ZNF470: variants seen among roughly 807,000 people sequenced by gnomAD.
ZNF470 encodes zinc finger protein 470.
Under a neutral mutation model 13.9 loss-of-function variants are expected in ZNF470, and 13 were observed. The ratio of observed to expected loss-of-function variants is 0.94; its 90% CI spans 0.61 to 1.49. The LOEUF (loss-of-function observed/expected upper bound fraction) is 1.49. Among genes scored for constraint, ZNF470 ranks in the 40% most tolerant of loss-of-function variants. ZNF470 has a pLI of 0.00. For synonymous variants in ZNF470, 293 were observed against 282.9 expected, an observed-to-expected ratio of 1.04 and a Z score of -0.36; for missense variants, 929 against 857.3, an observed-to-expected ratio of 1.08 and a Z score of -1.04.
At chr19:56,573,769 C>G (rs1394500512) in intron 3 of ZNF470, 1 of 168,932 alleles carries the variant, frequency 5.9e-6, no homozygotes. Context: ...TAGTAAGACC[C>G]TGTCTCTACA....
Position 56,578,767 on chromosome 19 carries a change from T to A in ZNF470, c.*184T>A. The stretch of plus-strand genomic sequence containing the variant: ...CTAACCTTTTAAAAATAAAAATACA[T>A]AATTTATGTTATTTTCCCATTTAAA... On this transcript the variant is annotated 3_prime_UTR_variant, in exon 6 of 6. Transcript: ENST00000330619. The A allele has an allele frequency of 8.0e-7, 1 of 1,244,478 alleles. No homozygotes were observed. Among genetic ancestry groups the A allele is most frequent in the Non-Finnish European group, 1.0e-6 (1 of 991,716 alleles). The allele number at this position is 1,244,478 out of a possible 1,614,324, so 77.1% of individuals were successfully genotyped here. A position where few individuals can be genotyped will look rare whatever the true frequency, so the allele number is the denominator to read the frequency against.
Position 56,570,376 on chromosome 19 carries a change from G to C in ZNF470, c.60+5G>C. The C allele has an allele frequency of 1.2e-6, 2 of 1,613,814 alleles. No individual in the cohort carries two copies. Among genetic ancestry groups the C allele is most frequent in the Non-Finnish European group, 1.7e-6 (2 of 1,179,734 alleles). ...CTTTGTAAAGCCATGTCCCTGGTGAGTTAGTATTCCCCCTCTCCCCACTAA... is the reference window on the plus strand; with the variant it reads ...CTTTGTAAAGCCATGTCCCTGGTGACTTAGTATTCCCCCTCTCCCCACTAA... On this transcript the variant is annotated splice_donor_5th_base_variant and intron_variant, in intron 3 of 5. Coordinates refer to ENST00000330619, the MANE Select transcript of ZNF470 (RefSeq NM_001001668.4).
Position 56,577,963 on chromosome 19 carries a change from A to C in ZNF470, c.1534A>C (p.Lys512Gln). The C allele has an allele frequency of 6.2e-7, 1 of 1,614,098 alleles. No individual in the cohort carries two copies. Among genetic ancestry groups the C allele is most frequent in the Admixed American group, 1.7e-5 (1 of 59,988 alleles). Residue 512 changes from lysine to glutamine, a missense_variant, in exon 6 of 6, where the codon AAG (lysine) becomes CAG (glutamine). Physicochemically the swap from Lys to Gln is moderately conservative, Grantham distance 53 (BLOSUM62 1). Coordinates refer to ENST00000330619, the MANE Select transcript of ZNF470 (RefSeq NM_001001668.4). ...TACTGGAGAGAAACCTTATGAATGT[A>C]AGGAATGCAGCAAAACCTTCAGCCA... ...IHTGEKPYEC[K>Q]ECSKTFSQNA...
rs562398922 is a variant in ZNF470 at position 56,579,149 on chromosome 19, C to T, written c.*566C>T. 73 of 985,410 alleles carry T rather than the reference C, an allele frequency of 7.4e-5. No individual in the cohort carries two copies. The South Asian group carries it at 1.2e-3, about 16-fold the overall frequency. 61.0% of individuals were successfully genotyped at this position (985,410 alleles called of 1,614,324 possible). Reference sequence around the variant, plus strand: ...TAGAACAAAAGCTTTTAGCTGGGTGCGGTGGCTCATGCCTGTAGTCCCAGC... The same window carrying T: ...TAGAACAAAAGCTTTTAGCTGGGTGTGGTGGCTCATGCCTGTAGTCCCAGC... On this transcript the variant is annotated 3_prime_UTR_variant, in exon 6 of 6. Transcript: ENST00000330619.
intron 3 of ZNF470, among the ~76,000 whole-genome samples, chr19:56,572,578 G>A (rs1464724185): frequency 2.0e-5 from 3 of 148,192 alleles, no homozygotes; most frequent in Non-Finnish European, 4.5e-5. Flanking sequence ...TCAGATTGGG[G>A]AAAAAGCCCC....
At position 56,578,630 on chromosome 19, in the gene ZNF470, A is replaced by G. The variant is rs374309070; in HGVS notation, c.*47A>G. ...TAGCATCCATCTGCTTTTTTCCAGC[A>G]CATGTCCCATCATCATAGTCCAAGA... On this transcript the variant is annotated 3_prime_UTR_variant, in exon 6 of 6. Coordinates refer to ENST00000330619, the MANE Select transcript of ZNF470 (RefSeq NM_001001668.4). 9.9e-5 allele frequency: 142 copies of G among 1,440,944 alleles called. No homozygotes were observed. In the African/African-American group the frequency reaches 1.8e-3, roughly 18 times the overall value. 89.3% of individuals were successfully genotyped at this position (1,440,944 alleles called of 1,614,324 possible). A position where few individuals can be genotyped will look rare whatever the true frequency, so the allele number is the denominator to read the frequency against.
chr19:56,574,389 T>C lies in ZNF470; in HGVS notation c.61-5T>C. 5 of 1,613,586 alleles carry C rather than the reference T, an allele frequency of 3.1e-6. No individual in the cohort carries two copies. The highest frequency in any genetic ancestry group is 4.2e-6 in the Non-Finnish European group (5 of 1,179,588). On this transcript the variant is annotated splice_region_variant and splice_polypyrimidine_tract_variant and intron_variant, in intron 3 of 5. Transcript: ENST00000330619. ...GTGAGCAAGATCATATTTGTGTCAT[T>C]TTAGGGTTCAGTGACTTTCACAGAT...
chr19:56,573,139 G>A (rs1447812323), intron 3 of ZNF470, among the ~76,000 whole-genome samples: 1 of 152,172 alleles, frequency 6.6e-6, no homozygotes, highest in Non-Finnish European at 1.5e-5. Flanking sequence ...TAAGATGTAA[G>A]AATTATGATT....
chr19:56,577,526 G>A lies in ZNF470; in HGVS notation c.1097G>A (p.Arg366Lys). 1.2e-6 allele frequency: 2 copies of A among 1,613,912 alleles called. No individual in the cohort carries two copies. The highest frequency in any genetic ancestry group is 1.7e-6 in the Non-Finnish European group (2 of 1,179,972). ...CATCGAAGGATTCACACTGGGAAAA[G>A]ACCTTATGAATGTATTGACTGTGGG... ...AHHRRIHTGK[R>K]PYECIDCGKA... is the part of the protein sequence containing the mutation. Residue 366 changes from arginine to lysine, a missense_variant, in exon 6 of 6, where the codon AGA (arginine) becomes AAA (lysine). Transcript: ENST00000330619.
In ZNF470 at chr19:56,578,632, A is replaced by G. The variant is rs376333493; in HGVS notation, c.*49A>G. On this transcript the variant is annotated 3_prime_UTR_variant, in exon 6 of 6. Coordinates refer to ENST00000330619, the MANE Select transcript of ZNF470 (RefSeq NM_001001668.4). ...GCATCCATCTGCTTTTTTCCAGCACATGTCCCATCATCATAGTCCAAGACG... is the reference window on the plus strand; with the variant it reads ...GCATCCATCTGCTTTTTTCCAGCACGTGTCCCATCATCATAGTCCAAGACG... 2.9e-5 allele frequency: 42 copies of G among 1,435,142 alleles called. No homozygotes were observed. The African/African-American group carries it at 5.2e-4, about 18-fold the overall frequency. The allele number at this position is 1,435,142 out of a possible 1,614,324, so 88.9% of individuals were successfully genotyped here.
In ZNF470 at chr19:56,581,121, G is replaced by T; in HGVS notation, c.*2538G>T. 1.1e-6 allele frequency: 1 copy of T among 939,144 alleles called. No homozygotes were observed. The highest frequency in any genetic ancestry group is 1.8e-5 in the African/African-American group (1 of 56,260). The allele number at this position is 939,144 out of a possible 1,614,324, so 58.2% of individuals were successfully genotyped here. A position where few individuals can be genotyped will look rare whatever the true frequency, so the allele number is the denominator to read the frequency against. On this transcript the variant is annotated 3_prime_UTR_variant, in exon 6 of 6. Transcript: ENST00000330619. ...AGACTGACACAAAGTGTTTGCAACA[G>T]ATATAATAAAGGACTGTAATTCGTG... is the stretch of plus-strand genomic sequence containing the variant.
rs765380354 is a variant in ZNF470 at position 56,578,420 on chromosome 19, T to TTAC, written c.1993_1995dup (p.Thr665dup). The TTAC allele has an allele frequency of 6.2e-7, 1 of 1,611,194 alleles. No individual in the cohort carries two copies. Among genetic ancestry groups the TTAC allele is most frequent in the East Asian group, 2.2e-5 (1 of 44,856 alleles). ...AAAGCCTTCAGCCAGGTTGCCCATCTTACTCTACATAAGAGAATTCATACT... is the reference window on the plus strand; with the variant it reads ...AAAGCCTTCAGCCAGGTTGCCCATCTTACTACTCTACATAAGAGAATTCATACT... On this transcript the variant is annotated inframe_insertion, in exon 6 of 6. Transcript: ENST00000330619.
chr19:56,570,500 T>A (rs1318557101), intron 3 of ZNF470, 129 bp downstream of exon 3: 1 of 858,086 alleles, frequency 1.2e-6, no homozygotes, highest in African/African-American at 1.7e-5. Flanking sequence ...TTCTTCCCTT[T>A]CTGATATGTG....
At chr19:56,568,134 C>T in intron 1 of ZNF470, 96 bp downstream of exon 1, 1 of 984,660 alleles carries the variant, frequency 1.0e-6, no homozygotes, top group Non-Finnish European at 1.2e-6. Flanking sequence ...GGATGTCCCC[C>T]GTTTCTAAGG....
In ZNF470 at chr19:56,582,041, G is replaced by T; in HGVS notation, c.*3458G>T. The T allele has an allele frequency of 1.0e-6, 1 of 985,368 alleles. No homozygotes were observed. 61.0% of individuals were successfully genotyped at this position (985,368 alleles called of 1,614,324 possible). On this transcript the variant is annotated 3_prime_UTR_variant, in exon 6 of 6. Coordinates refer to ENST00000330619, the MANE Select transcript of ZNF470 (RefSeq NM_001001668.4). Reference sequence around the variant, plus strand: ...TAAAGAAACAATCATACAGAATTTGGTACGAAGATTGGGTAATGGGCATTA... The same window carrying T: ...TAAAGAAACAATCATACAGAATTTGTTACGAAGATTGGGTAATGGGCATTA...
intron 3 of ZNF470, chr19:56,573,818 C>A: frequency 3.1e-6 from 1 of 322,806 alleles, no homozygotes; most frequent in Non-Finnish European, 4.5e-6. Flanking sequence ...TGAAAAACAA[C>A]TTTTCAAATG....
intron 3 of ZNF470, among the ~76,000 whole-genome samples, chr19:56,572,390 A>ATATATAT (rs2044461327): frequency 9.8e-6 from 1 of 101,604 alleles, no homozygotes; most frequent in Non-Finnish European, 1.9e-5. Flanking sequence ...ATATATATAT[A>ATATATAT]AATTAGCCAG....
intron 3 of ZNF470, among the ~76,000 whole-genome samples, chr19:56,571,588 A>T (rs941082697): frequency 6.6e-6 from 1 of 151,772 alleles, no homozygotes; most frequent in African/African-American, 2.4e-5. Context: ...AAAATGGAGT[A>T]GTTAAGTTTT....
chr19:56,578,935 AG>A lies in ZNF470; in HGVS notation c.*353del. On this transcript the variant is annotated 3_prime_UTR_variant, in exon 6 of 6. Transcript: ENST00000330619. The stretch of plus-strand genomic sequence containing the variant: ...ATATTAAGCAGCAAGTAAACCAAAC[AG>A]TAAGTCTAAGACTAAGATTTTAGAG... 1 of 1,011,970 alleles carries A rather than the reference AG, an allele frequency of 9.9e-7. No homozygotes were observed. The highest frequency in any genetic ancestry group is 1.2e-6 in the Non-Finnish European group (1 of 847,664). 62.7% of individuals were successfully genotyped at this position (1,011,970 alleles called of 1,614,324 possible).
Sources: gnomAD v4.1 joint callset for allele counts (sites outside exome capture counted in the v4.1 genomes callset) on GRCh38, gnomAD v4.1.1 for gene constraint, MANE v1.5 for transcripts, NCBI Gene and HGNC (gene_info 2026-07-23, HGNC 2026-07-21) for gene names.